The following PALM2AKAP2 variants were observed in gnomAD, a reference collection of about 807,000 sequenced individuals.
PALM2AKAP2 encodes the protein PALM2-AKAP2 fusion protein.
A neutral mutation model predicts 71.5 loss-of-function variants in PALM2AKAP2; 37 were observed. The ratio of observed to expected loss-of-function variants is 0.52; its 90% CI spans 0.40 to 0.68. The LOEUF (loss-of-function observed/expected upper bound fraction) is 0.68, where lower values mean the gene tolerates loss of function less well. Among genes scored for constraint, PALM2AKAP2 ranks in the 30% least tolerant of loss-of-function variants. PALM2AKAP2 has a pLI of 0.00. For synonymous variants in PALM2AKAP2, 468 were observed against 478.8 expected, an observed-to-expected ratio of 0.98 and a Z score of 0.29; for missense variants, 1,224 against 1,191.8, an observed-to-expected ratio of 1.03 and a Z score of -0.40.
intron 6 of PALM2AKAP2, among the ~76,000 whole-genome samples, chr9:109,970,147 G>T (rs371180073): frequency 6.6e-6 from 1 of 151,284 alleles, no homozygotes; most frequent in Non-Finnish European, 1.5e-5. Flanking sequence ...ATTAGGTTTT[G>T]TTTTTTTTCT....
chr9:109,750,571 C>T (rs7849261), intron 1 of PALM2AKAP2, among the ~76,000 whole-genome samples: 44,969 of 147,278 alleles, frequency 0.31, 6,962 homozygotes, highest in Middle Eastern at 0.4. Context: ...TGCCCTAGGA[C>T]GTGTGTGTGT....
intron 1 of PALM2AKAP2, among the ~76,000 whole-genome samples, chr9:109,741,706 G>A (rs753304475): frequency 7.9e-5 from 12 of 152,164 alleles, no homozygotes; most frequent in Non-Finnish European, 1.5e-4. Flanking sequence ...CTCCAAGATC[G>A]TGAAAGGATT....
At chr9:109,748,640 C>T (rs991826779) in intron 1 of PALM2AKAP2, among the ~76,000 whole-genome samples, 1 of 152,114 alleles carries the variant, frequency 6.6e-6, no homozygotes, top group African/African-American at 2.4e-5. Flanking sequence ...GACAGTTACA[C>T]AATTTTGCTC....
intron 4 of PALM2AKAP2, 149 bp from the exon 5 acceptor site, chr9:109,924,912 G>A: frequency 8.8e-7 from 1 of 1,130,920 alleles, no homozygotes; most frequent in South Asian, 1.6e-5. Context: ...AAATTGTCCA[G>A]AAGAAAAGAG....
At chr9:110,036,100 G>GT (rs1300981855) in intron 7 of PALM2AKAP2, among the ~76,000 whole-genome samples, 12 of 151,738 alleles carry the variant, frequency 7.9e-5, no homozygotes, top group Non-Finnish European at 1.5e-4. Flanking sequence ...CGCCCGGCTA[G>GT]TTTTTTTGGT....
exon 1 of PALM2AKAP2, chr9:110,048,780 G>A (rs754530795): frequency 1.3e-6 from 2 of 1,534,856 alleles, no homozygotes; most frequent in Admixed American, 2.0e-5. Flanking sequence ...GACCCCCGGA[G>A]CGGGAGGCAG....
intron 3 of PALM2AKAP2, among the ~76,000 whole-genome samples, chr9:110,164,672 A>T (rs1166913544): frequency 1.3e-5 from 2 of 151,900 alleles, no homozygotes; most frequent in African/African-American, 4.8e-5. Flanking sequence ...CTGGGACTAC[A>T]GGTGGCAGCC....
intron 1 of PALM2AKAP2, among the ~76,000 whole-genome samples, chr9:109,672,003 G>C (rs541583600): frequency 1.3e-5 from 2 of 152,026 alleles, no homozygotes; most frequent in African/African-American, 4.8e-5. Flanking sequence ...AAGCTTTTTG[G>C]CTGAGACTAT....
chr9:109,809,653 T>G (rs1051204579), intron 1 of PALM2AKAP2, among the ~76,000 whole-genome samples: 1 of 152,184 alleles, frequency 6.6e-6, no homozygotes, highest in African/African-American at 2.4e-5. Flanking sequence ...TGGGAAGGCA[T>G]GTTTGTGCTT....
chr9:109,714,177 C>T (rs1370233302), intron 1 of PALM2AKAP2, among the ~76,000 whole-genome samples: 1 of 152,232 alleles, frequency 6.6e-6, no homozygotes, highest in South Asian at 2.1e-4. Context: ...CAGAAGAGTA[C>T]TGCTATCTAG....
intron 1 of PALM2AKAP2, among the ~76,000 whole-genome samples, chr9:110,070,106 C>T (rs907781176): frequency 6.6e-6 from 1 of 152,146 alleles, no homozygotes; most frequent in Non-Finnish European, 1.5e-5. Flanking sequence ...CCTAGCAGAG[C>T]GGTACTGACA....
intron 1 of PALM2AKAP2, among the ~76,000 whole-genome samples, chr9:109,781,409 G>C (rs1171422008): frequency 6.6e-6 from 1 of 152,102 alleles, no homozygotes; most frequent in Admixed American, 6.5e-5. Flanking sequence ...AATTAAAAAA[G>C]AAGGTCCGTT....
chr9:110,015,572 C>T (rs1463549846), intron 6 of PALM2AKAP2, among the ~76,000 whole-genome samples: 1 of 152,064 alleles, frequency 6.6e-6, no homozygotes, highest in Non-Finnish European at 1.5e-5. Flanking sequence ...TGCCATTGCA[C>T]CCCAGCCTAG....
chr9:110,168,675 A>G (rs1334058992), exon 4 of PALM2AKAP2: 1 of 748,990 alleles, frequency 1.3e-6, no homozygotes, highest in Non-Finnish European at 2.0e-6. Flanking sequence ...AAGTCCCCCC[A>G]TCAGACTCTG....
intron 6 of PALM2AKAP2, among the ~76,000 whole-genome samples, chr9:109,985,656 CTT>C (rs568197028): frequency 3.8e-5 from 5 of 132,012 alleles, no homozygotes; most frequent in African/African-American, 5.5e-5. Flanking sequence ...TTCTTTCTTT[CTT>C]TTTTTTTTTT....
chr9:110,069,085 T>C (rs934697299), intron 1 of PALM2AKAP2, among the ~76,000 whole-genome samples: 1 of 152,196 alleles, frequency 6.6e-6, no homozygotes, highest in African/African-American at 2.4e-5. Context: ...CAAAGGTCTC[T>C]AAGAAGAAGA....
chr9:109,760,346 G>C (rs952102810), intron 1 of PALM2AKAP2: 8 of 152,130 alleles, frequency 5.3e-5, no homozygotes, highest in African/African-American at 1.9e-4. Context: ...GAAAAACACA[G>C]AAGGAAAGTT....
upstream of PALM2AKAP2, chr9:110,048,656 G>T: frequency 1.4e-6 from 2 of 1,478,340 alleles, no homozygotes; most frequent in Non-Finnish European, 1.8e-6. Context: ...GGCGGGCGGG[G>T]CTCCCCGCCC....
chr9:110,095,050 G>A (rs1834804437), intron 1 of PALM2AKAP2, among the ~76,000 whole-genome samples: 1 of 152,150 alleles, frequency 6.6e-6, no homozygotes, highest in Admixed American at 6.5e-5. Flanking sequence ...GTAGTACTCT[G>A]GATTGGTAAC....
Sources: allele counts gnomAD v4.1 joint callset (sites outside exome capture counted in the v4.1 genomes callset), GRCh38; gene constraint gnomAD v4.1.1; transcripts MANE v1.5; gene names NCBI Gene and HGNC (gene_info 2026-07-23, HGNC 2026-07-21).